Variants in CFAP20DC observed in about 807,000 individuals in gnomAD.
CFAP20DC encodes the protein CFAP20 domain containing.
In CFAP20DC, 84 loss-of-function variants were observed where a neutral mutation model predicts 101.7. The observed-to-expected ratio is 0.83, with a 90% CI of 0.69 to 0.99. CFAP20DC has a LOEUF of 0.99. Ranked by LOEUF, CFAP20DC falls within the 50% of genes least tolerant of loss-of-function variation. The pLI is 0.00. For missense variants in CFAP20DC, 1,007 were observed against 970.3 expected, an observed-to-expected ratio of 1.04 and a Z score of -0.50; for synonymous variants, 359 against 351.2, an observed-to-expected ratio of 1.02 and a Z score of -0.25.
Position 58,884,663 on chromosome 3 carries a change from TATA to T in CFAP20DC, c.594_596del (p.Ile199del), listed in dbSNP as rs761251468. On this transcript the variant is annotated inframe_deletion, in exon 7 of 17. Transcript: ENST00000482387. ...CTGTCATTAGTTGACAGCTTCGTGG[TATA>T]ATATCTGTAGGCTCATCTGTTGAAA... 3.1e-6 allele frequency: 5 copies of T among 1,613,856 alleles called. No homozygotes were observed. Among genetic ancestry groups the T allele is most frequent in the South Asian group, 1.1e-5 (1 of 91,050 alleles).
chr3:58,853,253 C>G (rs1273732436), intron 12 of CFAP20DC, among the ~76,000 whole-genome samples: 14 of 152,192 alleles, frequency 9.2e-5, no homozygotes, highest in South Asian at 2.1e-4. Context: ...ATAAATTTCT[C>G]GACACATACA....
chr3:59,021,969 G>C (rs2093811262), intron 4 of CFAP20DC, among the ~76,000 whole-genome samples: 1 of 151,950 alleles, frequency 6.6e-6, no homozygotes, highest in Non-Finnish European at 1.5e-5. Flanking sequence ...ACAATCAAAT[G>C]ATCATTAAAA....
rs2078501932 is a variant in CFAP20DC, at chr3:58,853,914, AAAACTGG to A, written c.1594-4512_1594-4506del. Among the ~76,000 whole-genome samples the A allele has an allele frequency of 7.9e-5, 12 of 151,636 alleles. No individual in the cohort carries two copies. In the South Asian group the frequency reaches 2.5e-3, roughly 32 times the overall value. On this transcript the variant is annotated intron_variant, in intron 12 of 16. Coordinates refer to ENST00000482387, the MANE Select transcript of CFAP20DC (RefSeq NM_001394063.1). ...GCAAAAACTGGAAGCATTCCCTTTGAAAACTGGCACAAGACAGGGATGCCCTCTCTCA... is the reference window on the plus strand; with the variant it reads ...GCAAAAACTGGAAGCATTCCCTTTGACACAAGACAGGGATGCCCTCTCTCA...
intron 4 of CFAP20DC, among the ~76,000 whole-genome samples, chr3:59,004,145 T>C (rs973401667): frequency 6.6e-6 from 1 of 152,106 alleles, no homozygotes; most frequent in Non-Finnish European, 1.5e-5. Context: ...ATAAACTCCA[T>C]GAGGACAGGA....
chr3:58,842,503 CG>C (rs965694007), intron 13 of CFAP20DC, among the ~76,000 whole-genome samples: 5 of 152,166 alleles, frequency 3.3e-5, no homozygotes, highest in African/African-American at 1.2e-4. Flanking sequence ...ACACCTGGCT[CG>C]GAGGGTCCTA....
chr3:58,808,444 A>G (rs1417098734), intron 14 of CFAP20DC, among the ~76,000 whole-genome samples: 2 of 152,238 alleles, frequency 1.3e-5, no homozygotes, highest in East Asian at 3.9e-4. Context: ...TCAACCCAGA[A>G]TTTCATATCC....
chr3:58,863,189 C>T lies in CFAP20DC; in HGVS notation c.1593+369G>A. ...ACCATCAATTTAGAATGCTTAGCAA[C>T]TGCAACACAATTTCTCCAGAGATCT... On this transcript the variant is annotated intron_variant, in intron 12 of 16. Transcript: ENST00000482387. This position sits in a 1 kb window ranked among gnomAD's most constrained non-coding sequence, Gnocchi z 5.9. 1 of 1,150,244 alleles carries T rather than the reference C, an allele frequency of 8.7e-7. No homozygotes were observed. The highest frequency in any genetic ancestry group is 1.1e-6 in the Non-Finnish European group (1 of 937,942). 71.3% of individuals were successfully genotyped at this position (1,150,244 alleles called of 1,614,324 possible). A position where few individuals can be genotyped will look rare whatever the true frequency, so the allele number is the denominator to read the frequency against.
Position 58,869,519 on chromosome 3 carries a change from A to C in CFAP20DC, c.853-29T>G, listed in dbSNP as rs540504056. On this transcript the variant is annotated intron_variant, in intron 8 of 16. Coordinates refer to ENST00000482387, the MANE Select transcript of CFAP20DC (RefSeq NM_001394063.1). This position sits in a 1 kb window ranked among gnomAD's most constrained non-coding sequence, Gnocchi z 4.3. ...TAAAGGAATTAATCTGTACATTTTAAAATATAGCAACTACATTTGTTTTCT... is the reference window on the plus strand; with the variant it reads ...TAAAGGAATTAATCTGTACATTTTACAATATAGCAACTACATTTGTTTTCT... 1.3e-6 allele frequency: 2 copies of C among 1,506,408 alleles called. No homozygotes were observed. The highest frequency in any genetic ancestry group is 4.8e-5 in the East Asian group (2 of 42,104). 93.3% of individuals were successfully genotyped at this position (1,506,408 alleles called of 1,614,324 possible).
intron 14 of CFAP20DC, among the ~76,000 whole-genome samples, chr3:58,826,161 T>A (rs1050625533): frequency 2.0e-5 from 3 of 152,204 alleles, no homozygotes; most frequent in Non-Finnish European, 4.4e-5. Context: ...CAGAAGGAGA[T>A]TTTCCTTTGG....
chr3:58,853,140 G>T lies in CFAP20DC; in HGVS notation c.1594-3731C>A, dbSNP rs184378106. Among the ~76,000 whole-genome samples, 19 of 152,262 alleles carry T rather than the reference G, an allele frequency of 1.2e-4. No homozygotes were observed. The East Asian group carries it at 3.5e-3, about 28-fold the overall frequency. On this transcript the variant is annotated intron_variant, in intron 12 of 16. Transcript: ENST00000482387. ...GAATCAAATAGACACAATAAGAAATGATGAAGGGGATATCACCACTGATCC... is the reference window on the plus strand; with the variant it reads ...GAATCAAATAGACACAATAAGAAATTATGAAGGGGATATCACCACTGATCC...
At chr3:58,828,977 T>C (rs1053591562) in intron 14 of CFAP20DC, among the ~76,000 whole-genome samples, 1 of 152,134 alleles carries the variant, frequency 6.6e-6, no homozygotes, top group Non-Finnish European at 1.5e-5. Context: ...GAAATGAAGA[T>C]GCCTTCCAAA....
At chr3:58,866,346 G>A (rs1205321416) in intron 11 of CFAP20DC, among the ~76,000 whole-genome samples, 1 of 152,004 alleles carries the variant, frequency 6.6e-6, no homozygotes, top group East Asian at 1.9e-4. Context: ...CTTTCATTCT[G>A]AACAGGATGA....
chr3:59,011,838 G>A (rs1180133702), intron 4 of CFAP20DC, among the ~76,000 whole-genome samples: 2 of 152,160 alleles, frequency 1.3e-5, no homozygotes, highest in East Asian at 1.9e-4. Flanking sequence ...GGTAATTGAT[G>A]AAGATTATTT....
At chr3:58,999,860 A>C (rs2093258545) in intron 4 of CFAP20DC, among the ~76,000 whole-genome samples, 1 of 151,162 alleles carries the variant, frequency 6.6e-6, no homozygotes, top group South Asian at 2.1e-4. Context: ...AAAAAAAAAA[A>C]AAAAAAAGAA....
At chr3:58,935,781 A>G (rs952889663) in intron 5 of CFAP20DC, among the ~76,000 whole-genome samples, 3 of 152,248 alleles carry the variant, frequency 2.0e-5, no homozygotes, top group Admixed American at 6.5e-5. Flanking sequence ...TTCAAGGTGG[A>G]TTAAAGACTT....
chr3:58,811,692 A>G (rs1009240963), intron 14 of CFAP20DC, among the ~76,000 whole-genome samples: 34 of 152,188 alleles, frequency 2.2e-4, no homozygotes, highest in African/African-American at 7.0e-4. Context: ...AACAAAAGCC[A>G]AAATTGACAA....
chr3:58,880,304 G>A (rs1576105152), intron 7 of CFAP20DC, among the ~76,000 whole-genome samples: 1 of 152,130 alleles, frequency 6.6e-6, no homozygotes, highest in East Asian at 1.9e-4. Context: ...TTCTATCAAT[G>A]AGATCATACT....
chr3:59,024,255 T>C (rs2093853965), intron 4 of CFAP20DC, among the ~76,000 whole-genome samples: 1 of 152,190 alleles, frequency 6.6e-6, no homozygotes, highest in African/African-American at 2.4e-5. Flanking sequence ...TTACTGATCA[T>C]GTACTACCAT....
rs1442747435 is a variant in CFAP20DC at position 58,724,531 on chromosome 3, C to T, written c.198-6903G>A. ...AAGCCCGCTCCCACTAGCTACTCTCCGATAAGTTAAAGATATGCTGTTTGA... is the reference window on the plus strand; with the variant it reads ...AAGCCCGCTCCCACTAGCTACTCTCTGATAAGTTAAAGATATGCTGTTTGA... On this transcript the variant is annotated intron_variant, in intron 3 of 3. Transcript: ENST00000486145. This position sits in a 1 kb window ranked among gnomAD's most constrained non-coding sequence, Gnocchi z 5.6. Among the ~76,000 whole-genome samples the T allele has an allele frequency of 1.3e-5, 2 of 152,122 alleles. No homozygotes were observed. The highest frequency in any genetic ancestry group is 2.1e-4 in the South Asian group (1 of 4,826).
Sources: allele counts gnomAD v4.1 joint callset (sites outside exome capture counted in the v4.1 genomes callset), GRCh38; gene constraint gnomAD v4.1.1; non-coding constraint Gnocchi (gnomAD v3.1); transcripts MANE v1.5; gene names NCBI Gene and HGNC (gene_info 2026-07-23, HGNC 2026-07-21).